Variants in KCNA1 observed in about 807,000 individuals in gnomAD.
KCNA1 encodes the protein potassium channel, voltage gated shaker related subfamily A, member 1.
A neutral mutation model predicts 28.8 loss-of-function variants in KCNA1; 19 were observed. The ratio of observed to expected loss-of-function variants is 0.66; its 90% confidence interval spans 0.46 to 0.97. The LOEUF (loss-of-function observed/expected upper bound fraction) is 0.97. KCNA1 is among the 50% of genes least tolerant of loss of function. KCNA1 has a pLI of 0.00. For synonymous variants in KCNA1, 311 were observed against 268.8 expected, an observed-to-expected ratio of 1.16 and a Z score of -1.53; for missense variants, 419 against 659.7, an observed-to-expected ratio of 0.64 and a Z score of 4.00.
At position 4,911,290 on chromosome 12, in the gene KCNA1, G is replaced by T; in HGVS notation, c.-89G>T. 1 of 1,021,732 alleles carries T rather than the reference G, an allele frequency of 9.8e-7. No homozygotes were observed. 63.3% of individuals were successfully genotyped at this position (1,021,732 alleles called of 1,614,324 possible). A position where few individuals can be genotyped will look rare whatever the true frequency, so the allele number is the denominator to read the frequency against. Reference sequence around the variant, plus strand: ...GGGAGACGCGCGCTCCGGTGGGGGGGCCGCTTGGGTCCCCCCCACCCCTGG... The same window carrying T: ...GGGAGACGCGCGCTCCGGTGGGGGGTCCGCTTGGGTCCCCCCCACCCCTGG... On this transcript the variant is annotated 5_prime_UTR_variant, in exon 2 of 2. Coordinates refer to ENST00000382545, the MANE Select transcript of KCNA1 (RefSeq NM_000217.3). The surrounding 1 kb of genome is among the most constrained non-coding windows in gnomAD (Gnocchi z 6.6).
chr12:4,911,396 G>C lies in KCNA1; in HGVS notation c.18G>C (p.Gly6=), dbSNP rs766476165. 2.3e-5 allele frequency: 37 copies of C among 1,612,728 alleles called. No homozygotes were observed. The highest frequency in any genetic ancestry group is 1.0e-4 in the Admixed American group (6 of 59,976). ...CTTCCACCATGACGGTGATGTCTGG[G>C]GAGAACGTGGACGAGGCTTCGGCCG... MTVMS[G]ENVDEASAAP... is the part of the protein sequence containing the mutation. Residue 6 remains glycine (G), a synonymous_variant, in exon 2 of 2, where the codon GGG becomes GGC. Transcript: ENST00000382545. This position sits in a 1 kb window ranked among gnomAD's most constrained non-coding sequence, Gnocchi z 6.6.
Position 4,912,475 on chromosome 12 carries a change from C to T in KCNA1, c.1097C>T (p.Ala366Val). 2.5e-6 allele frequency: 4 copies of T among 1,613,870 alleles called. No individual in the cohort carries two copies. The highest frequency in any genetic ancestry group is 3.4e-6 in the Non-Finnish European group (4 of 1,179,958). ...FSSIPDAFWWAVVSMTTVGYG... is the reference protein window; with the variant it reads ...FSSIPDAFWWVVVSMTTVGYG... Reference sequence around the variant, plus strand: ...AGTATCCCCGATGCTTTCTGGTGGGCGGTGGTGTCCATGACCACTGTAGGA... The same window carrying T: ...AGTATCCCCGATGCTTTCTGGTGGGTGGTGGTGTCCATGACCACTGTAGGA... Residue 366 changes from alanine (A) to valine (V), a missense_variant, in exon 2 of 2, where the codon GCG (alanine) becomes GTG (valine). This residue lies in a region of KCNA1 where 54 missense variants were observed against 186.4 expected (regional missense o/e 0.29). Transcript: ENST00000382545.
Position 4,913,529 on chromosome 12 carries a change from T to C in KCNA1, c.*663T>C, listed in dbSNP as rs1157131051. 2 of 167,468 alleles carry C rather than the reference T, an allele frequency of 1.2e-5. No homozygotes were observed. The highest frequency in any genetic ancestry group is 4.8e-5 in the African/African-American group (2 of 41,470). The allele number at this position is 167,468 out of a possible 1,614,324, so 10.4% of individuals were successfully genotyped here. ...CCCCCTGGGCCCATTCTCTTTCTAA[T>C]CCAGATTATTCTCTAAGAAAAAGTT... On this transcript the variant is annotated 3_prime_UTR_variant, in exon 2 of 2. Transcript: ENST00000382545.
In KCNA1 at chr12:4,911,236, C is replaced by A. The variant is rs1161594342; in HGVS notation, c.-143C>A. Reference sequence around the variant, plus strand: ...AAAGTCGCAGATCTCCCGACCTGCTCGTGTTGAAGCACCTCCCCCTGGGCG... The same window carrying A: ...AAAGTCGCAGATCTCCCGACCTGCTAGTGTTGAAGCACCTCCCCCTGGGCG... On this transcript the variant is annotated 5_prime_UTR_variant, in exon 2 of 2. Coordinates refer to ENST00000382545, the MANE Select transcript of KCNA1 (RefSeq NM_000217.3). The surrounding 1 kb of genome is among the most constrained non-coding windows in gnomAD (Gnocchi z 6.6). 6.3e-6 allele frequency: 4 copies of A among 635,962 alleles called. No homozygotes were observed. The highest frequency in any genetic ancestry group is 5.8e-5 in the Admixed American group (2 of 34,746). The allele number at this position is 635,962 out of a possible 1,614,324, so 39.4% of individuals were successfully genotyped here.
In KCNA1 at chr12:4,910,169, T is replaced by C. The variant is rs1185301394; in HGVS notation, c.-843T>C. 1 of 152,532 alleles carries C rather than the reference T, an allele frequency of 6.6e-6. No homozygotes were observed. The highest frequency in any genetic ancestry group is 1.5e-5 in the Non-Finnish European group (1 of 68,096). 9.4% of individuals were successfully genotyped at this position (152,532 alleles called of 1,614,324 possible). On this transcript the variant is annotated 5_prime_UTR_variant, in exon 1 of 2. Coordinates refer to ENST00000382545, the MANE Select transcript of KCNA1 (RefSeq NM_000217.3). The surrounding 1 kb of genome is among the most constrained non-coding windows in gnomAD (Gnocchi z 4.9). ...TCGAGAGAGGGTGGTATTTTGCTTT[T>C]CCGCCCCGCATCCTCCGGAACTCCC...
rs1172251169 is a variant in KCNA1, at chr12:4,914,714, G to C, written c.*1848G>C. ...GAGAGGAGAGACCCAGGAGGGTGCT[G>C]TCTCTCTGGCCATCTACTAGCATTG... On this transcript the variant is annotated 3_prime_UTR_variant, in exon 2 of 2. Coordinates refer to ENST00000382545, the MANE Select transcript of KCNA1 (RefSeq NM_000217.3). 1 of 167,166 alleles carries C rather than the reference G, an allele frequency of 6.0e-6. No homozygotes were observed. Among genetic ancestry groups the C allele is most frequent in the African/African-American group, 2.4e-5 (1 of 41,450 alleles). 10.4% of individuals were successfully genotyped at this position (167,166 alleles called of 1,614,324 possible). A position where few individuals can be genotyped will look rare whatever the true frequency, so the allele number is the denominator to read the frequency against.
In KCNA1 at chr12:4,911,365, G is replaced by T; in HGVS notation, c.-14G>T. 1.3e-6 allele frequency: 2 copies of T among 1,588,364 alleles called. No homozygotes were observed. The highest frequency in any genetic ancestry group is 1.7e-6 in the Non-Finnish European group (2 of 1,167,420). ...CTCTCTCCTGGCCTCCCACCCCCGC[G>T]CCCGGCTTCCACCATGACGGTGATG... On this transcript the variant is annotated 5_prime_UTR_variant, in exon 2 of 2. Transcript: ENST00000382545. The surrounding 1 kb of genome is among the most constrained non-coding windows in gnomAD (Gnocchi z 6.6).
chr12:4,918,232 A>G lies in KCNA1; in HGVS notation c.*5366A>G, dbSNP rs1390979794. 6.0e-6 allele frequency: 1 copy of G among 167,008 alleles called. No homozygotes were observed. The highest frequency in any genetic ancestry group is 2.4e-5 in the African/African-American group (1 of 41,454). The allele number at this position is 167,008 out of a possible 1,614,324, so 10.3% of individuals were successfully genotyped here. On this transcript the variant is annotated 3_prime_UTR_variant, in exon 2 of 2. Transcript: ENST00000382545. ...TTCATATTTGGCATCAATTAAAGAT[A>G]CTTTTTAAGGATCTTATCAAGGAAT...
At position 4,914,291 on chromosome 12, in the gene KCNA1, C is replaced by CACAAGCAACACAAACAAGCAA. The variant is rs1375889020; in HGVS notation, c.*1430_*1450dup. ...AGTATTCTTTCTAGCTGAAGACAAA[C>CACAAGCAACACAAACAAGCAA]ACAAGCAACACAAACAAGCAAACAA... On this transcript the variant is annotated 3_prime_UTR_variant, in exon 2 of 2. Transcript: ENST00000382545. The CACAAGCAACACAAACAAGCAA allele has an allele frequency of 6.0e-6, 1 of 167,084 alleles. No individual in the cohort carries two copies. Among genetic ancestry groups the CACAAGCAACACAAACAAGCAA allele is most frequent in the Admixed American group, 6.5e-5 (1 of 15,306 alleles). 10.4% of individuals were successfully genotyped at this position (167,084 alleles called of 1,614,324 possible). A position where few individuals can be genotyped will look rare whatever the true frequency, so the allele number is the denominator to read the frequency against.
In KCNA1 at chr12:4,911,269, G is replaced by C; in HGVS notation, c.-110G>C. The C allele has an allele frequency of 2.6e-6, 2 of 781,240 alleles. No homozygotes were observed. Among genetic ancestry groups the C allele is most frequent in the Non-Finnish European group, 2.1e-6 (1 of 483,694 alleles). The allele number at this position is 781,240 out of a possible 1,614,324, so 48.4% of individuals were successfully genotyped here. On this transcript the variant is annotated 5_prime_UTR_variant, in exon 2 of 2. Coordinates refer to ENST00000382545, the MANE Select transcript of KCNA1 (RefSeq NM_000217.3). This position sits in a 1 kb window ranked among gnomAD's most constrained non-coding sequence, Gnocchi z 6.6. ...AGCACCTCCCCCTGGGCGTGAGGGA[G>C]ACGCGCGCTCCGGTGGGGGGGCCGC... is the stretch of plus-strand genomic sequence containing the variant.
rs930885195 is a variant in KCNA1, at chr12:4,910,138, G to C, written c.-874G>C. On this transcript the variant is annotated 5_prime_UTR_variant, in exon 1 of 2. Coordinates refer to ENST00000382545, the MANE Select transcript of KCNA1 (RefSeq NM_000217.3). This position sits in a 1 kb window ranked among gnomAD's most constrained non-coding sequence, Gnocchi z 4.9. ...AGTGCTGTTTATCGTCATTTGCCTCGGAGCTTCGAGAGAGGGTGGTATTTT... is the reference window on the plus strand; with the variant it reads ...AGTGCTGTTTATCGTCATTTGCCTCCGAGCTTCGAGAGAGGGTGGTATTTT... 1 of 152,662 alleles carries C rather than the reference G, an allele frequency of 6.6e-6. No homozygotes were observed. Among genetic ancestry groups the C allele is most frequent in the South Asian group, 2.1e-4 (1 of 4,834 alleles). 9.5% of individuals were successfully genotyped at this position (152,662 alleles called of 1,614,324 possible). A position where few individuals can be genotyped will look rare whatever the true frequency, so the allele number is the denominator to read the frequency against.
rs1169948805 is a variant in KCNA1 at position 4,915,620 on chromosome 12, T to G, written c.*2754T>G. The G allele has an allele frequency of 6.0e-6, 1 of 167,146 alleles. No homozygotes were observed. Among genetic ancestry groups the G allele is most frequent in the Non-Finnish European group, 1.5e-5 (1 of 68,130 alleles). 10.4% of individuals were successfully genotyped at this position (167,146 alleles called of 1,614,324 possible). The stretch of plus-strand genomic sequence containing the variant: ...TTCTCGTCTGAACCTTAACTCATTC[T>G]GGCGATTCCTTTCCTACTTGCTTAA... On this transcript the variant is annotated 3_prime_UTR_variant, in exon 2 of 2. Transcript: ENST00000382545.
In KCNA1 at chr12:4,912,379, T is replaced by C; in HGVS notation, c.1001T>C (p.Phe334Ser). The change falls in exon 2 of 2, where the codon TTC (phenylalanine) becomes TCC (serine). Residue 334 changes from phenylalanine (F) to serine (S), a missense_variant. Phe to Ser is a radical substitution (Grantham distance 155, BLOSUM62 -2). Around this residue, in one of 4 missense-constraint regions of KCNA1, gnomAD observed 54 missense variants for 186.4 expected, o/e 0.29. Transcript: ENST00000382545. ...CTAGGGCTGCTCATCTTTTTCCTCT[T>C]CATCGGGGTCATCCTGTTTTCTAGT... Reference protein sequence around the residue: ...RELGLLIFFLFIGVILFSSAV... With the variant: ...RELGLLIFFLSIGVILFSSAV... The C allele has an allele frequency of 6.2e-7, 1 of 1,613,926 alleles. No individual in the cohort carries two copies. Among genetic ancestry groups the C allele is most frequent in the Non-Finnish European group, 8.5e-7 (1 of 1,179,984 alleles).
Position 4,915,570 on chromosome 12 carries a change from T to C in KCNA1, c.*2704T>C, listed in dbSNP as rs922157701. On this transcript the variant is annotated 3_prime_UTR_variant, in exon 2 of 2. Transcript: ENST00000382545. ...CTGCGCAGCATCCGACTACAGGGCA[T>C]TAAACCCTCCCATGTGATGTCTCCT... is the stretch of plus-strand genomic sequence containing the variant. 6.0e-6 allele frequency: 1 copy of C among 167,140 alleles called. No homozygotes were observed. The highest frequency in any genetic ancestry group is 6.5e-5 in the Admixed American group (1 of 15,284). 10.4% of individuals were successfully genotyped at this position (167,140 alleles called of 1,614,324 possible).
Position 4,911,941 on chromosome 12 carries a change from C to T in KCNA1, c.563C>T (p.Thr188Met). The stretch of plus-strand genomic sequence containing the variant: ...TCCATCGTCATCTTTTGCCTGGAGA[C>T]GCTCCCCGAGCTGAAGGATGACAAG... Reference protein sequence around the residue: ...LISIVIFCLETLPELKDDKDF... With the variant: ...LISIVIFCLEMLPELKDDKDF... Residue 188 changes from threonine to methionine, a missense_variant, in exon 2 of 2, where the codon ACG becomes ATG. By Grantham distance (81) the Thr-to-Met change is moderately conservative. Coordinates refer to ENST00000382545, the MANE Select transcript of KCNA1 (RefSeq NM_000217.3). This position sits in a 1 kb window ranked among gnomAD's most constrained non-coding sequence, Gnocchi z 6.6. 1.2e-6 allele frequency: 2 copies of T among 1,614,002 alleles called. No individual in the cohort carries two copies. Among genetic ancestry groups the T allele is most frequent in the Non-Finnish European group, 1.7e-6 (2 of 1,179,970 alleles).
chr12:4,912,101 C>G lies in KCNA1; in HGVS notation c.723C>G (p.Phe241Leu). Residue 241 changes from phenylalanine (F) to leucine (L), a missense_variant, in exon 2 of 2, where the codon TTC (phenylalanine) becomes TTG (leucine). Phe to Leu is a conservative substitution (Grantham distance 22). Coordinates refer to ENST00000382545, the MANE Select transcript of KCNA1 (RefSeq NM_000217.3). ...WFSFELVVRF[F>L]ACPSKTDFFK... ...CCTTCGAGCTGGTGGTGCGCTTCTT[C>G]GCCTGCCCCAGCAAGACGGACTTCT... 1.2e-6 allele frequency: 2 copies of G among 1,614,116 alleles called. No individual in the cohort carries two copies. Among genetic ancestry groups the G allele is most frequent in the South Asian group, 2.2e-5 (2 of 91,074 alleles).
chr12:4,918,051 A>G lies in KCNA1; in HGVS notation c.*5185A>G, dbSNP rs1947396424. The G allele has an allele frequency of 6.0e-6, 1 of 167,116 alleles. No individual in the cohort carries two copies. The highest frequency in any genetic ancestry group is 1.5e-5 in the Non-Finnish European group (1 of 68,128). The allele number at this position is 167,116 out of a possible 1,614,324, so 10.4% of individuals were successfully genotyped here. ...TTGCCAGTTGCTTCCACCTTGAGTTAAGGACGTGTCTCATCTTCACCTACT... is the reference window on the plus strand; with the variant it reads ...TTGCCAGTTGCTTCCACCTTGAGTTGAGGACGTGTCTCATCTTCACCTACT... On this transcript the variant is annotated 3_prime_UTR_variant, in exon 2 of 2. Coordinates refer to ENST00000382545, the MANE Select transcript of KCNA1 (RefSeq NM_000217.3).
Position 4,911,298 on chromosome 12 carries a change from G to T in KCNA1, c.-81G>T. ...CGCGCTCCGGTGGGGGGGCCGCTTG[G>T]GTCCCCCCCACCCCTGGTCCCTGGC... is the stretch of plus-strand genomic sequence containing the variant. On this transcript the variant is annotated 5_prime_UTR_variant, in exon 2 of 2. Transcript: ENST00000382545. The surrounding 1 kb of genome is among the most constrained non-coding windows in gnomAD (Gnocchi z 6.6). 3 of 1,126,358 alleles carry T rather than the reference G, an allele frequency of 2.7e-6. No individual in the cohort carries two copies. Among genetic ancestry groups the T allele is most frequent in the Non-Finnish European group, 2.6e-6 (2 of 774,178 alleles). 69.8% of individuals were successfully genotyped at this position (1,126,358 alleles called of 1,614,324 possible).
chr12:4,911,982 G>C lies in KCNA1; in HGVS notation c.604G>C (p.Val202Leu). ...LKDDKDFTGT[V>L]HRIDNTTVIY... ...GGATGACAAGGACTTCACGGGCACC[G>C]TCCACCGCATCGACAACACCACGGT... The change falls in exon 2 of 2, where the codon GTC (valine) becomes CTC (leucine). Residue 202 changes from valine (V) to leucine (L), a missense_variant. By Grantham distance (32) the Val-to-Leu change is conservative. Transcript: ENST00000382545. This position sits in a 1 kb window ranked among gnomAD's most constrained non-coding sequence, Gnocchi z 6.6. 6.2e-7 allele frequency: 1 copy of C among 1,614,046 alleles called. No individual in the cohort carries two copies. Among genetic ancestry groups the C allele is most frequent in the Non-Finnish European group, 8.5e-7 (1 of 1,180,024 alleles).
Sources: allele counts gnomAD v4.1 joint callset, GRCh38; gene constraint gnomAD v4.1.1; regional missense constraint gnomAD v4.1.1; non-coding constraint Gnocchi (gnomAD v3.1); transcripts MANE v1.5; gene names NCBI Gene and HGNC (gene_info 2026-07-23, HGNC 2026-07-21).